The following FTO variants were observed in gnomAD, a reference collection of about 807,000 sequenced individuals.
FTO encodes FTO alpha-ketoglutarate dependent dioxygenase.
Under a neutral mutation model 63.9 loss-of-function variants are expected in FTO, and 47 were observed. That is an observed-to-expected ratio of 0.74 (90% confidence interval 0.58 to 0.94). The LOEUF (loss-of-function observed/expected upper bound fraction) is 0.94, where lower values mean the gene tolerates loss of function less well. FTO is among the 40% of genes least tolerant of loss of function. The pLI is 0.00. For missense variants in FTO, 562 were observed against 618.1 expected, an observed-to-expected ratio of 0.91 and a Z score of 0.96; for synonymous variants, 207 against 224.4, an observed-to-expected ratio of 0.92 and a Z score of 0.69.
intron 2 of FTO, among the ~76,000 whole-genome samples, chr16:53,824,275 T>A (rs1344912659): frequency 6.6e-6 from 1 of 152,230 alleles, no homozygotes; most frequent in African/African-American, 2.4e-5. Context: ...TTGGCTCTTG[T>A]GCTCTAGTAA....
At position 53,900,608 on chromosome 16, in the gene FTO, C is replaced by CTTTTTTTT. The variant is rs752080961; in HGVS notation, c.1239+11677_1239+11684dup. On this transcript the variant is annotated intron_variant, in intron 7 of 8. Transcript: ENST00000471389. ...CAGTCATTTAATCATTCATCTGCTC[C>CTTTTTTTT]TTTTTTTTTTTTTTTTTTTTTTTTT... is the stretch of plus-strand genomic sequence containing the variant. Among the ~76,000 whole-genome samples the CTTTTTTTT allele has an allele frequency of 6.3e-4, 42 of 67,194 alleles. 4 individuals carry two copies. The highest frequency in any genetic ancestry group is 8.9e-3 in the Middle Eastern group (1 of 112). 44.1% of individuals were successfully genotyped at this position (67,194 alleles called of 152,430 possible).
chr16:54,054,787 T>TAATG (rs1274567963), intron 8 of FTO, among the ~76,000 whole-genome samples: 1 of 152,044 alleles, frequency 6.6e-6, no homozygotes, highest in African/African-American at 2.4e-5. Context: ...GGTGAGTCAG[T>TAATG]AATGAAAAAG....
chr16:53,756,022 C>A (rs60286074), intron 1 of FTO, among the ~76,000 whole-genome samples: 10,735 of 152,208 alleles, frequency 0.071, 632 homozygotes, highest in African/African-American at 0.16. Context: ...GATGAAAACG[C>A]CAAACCCTTG....
intron 8 of FTO, among the ~76,000 whole-genome samples, chr16:54,009,576 A>G (rs1339898485): frequency 6.6e-6 from 1 of 152,114 alleles, no homozygotes; most frequent in Non-Finnish European, 1.5e-5. Context: ...GTTTTTCCAG[A>G]GATCAGTGCC....
chr16:53,835,578 C>T (rs1477299784), intron 3 of FTO, among the ~76,000 whole-genome samples: 1 of 152,036 alleles, frequency 6.6e-6, no homozygotes, highest in Non-Finnish European at 1.5e-5. Context: ...AATTTTTCTT[C>T]AGCTTTTATG....
intron 2 of FTO, among the ~76,000 whole-genome samples, chr16:53,813,240 C>T (rs2078585081): frequency 1.3e-5 from 2 of 150,662 alleles, no homozygotes; most frequent in South Asian, 4.2e-4. Context: ...GAGACAGCAT[C>T]TCACTCTGTT....
chr16:54,074,913 A>AGTGTGTGT (rs1248976108), intron 8 of FTO, among the ~76,000 whole-genome samples: 9 of 125,160 alleles, frequency 7.2e-5, no homozygotes, highest in Non-Finnish European at 8.7e-5. Flanking sequence ...AGAGAGAGAG[A>AGTGTGTGT]GAGAGTGTGT....
rs1329017897 is a variant in FTO at position 53,911,263 on chromosome 16, G to T, written c.1239+22312G>T. On this transcript the variant is annotated intron_variant, in intron 7 of 8. Transcript: ENST00000471389. ...TGAGTAAGAGAGAATGTAGTTTCAAGAGTAAAGGAGAACAAAGTAGGGTGA... is the reference window on the plus strand; with the variant it reads ...TGAGTAAGAGAGAATGTAGTTTCAATAGTAAAGGAGAACAAAGTAGGGTGA... The T allele has an allele frequency of 4.6e-6, 3 of 648,102 alleles. No individual in the cohort carries two copies. In the African/African-American group the frequency reaches 5.4e-5, roughly 12 times the overall value. 40.1% of individuals were successfully genotyped at this position (648,102 alleles called of 1,614,324 possible).
intron 1 of FTO, among the ~76,000 whole-genome samples, chr16:53,748,320 A>G (rs1218220355): frequency 1.3e-5 from 2 of 152,060 alleles, no homozygotes; most frequent in East Asian, 1.9e-4. Context: ...ACTTAGTTGT[A>G]TCATCTTCAG....
intron 8 of FTO, among the ~76,000 whole-genome samples, chr16:54,059,493 G>T (rs1011332961): frequency 3.3e-5 from 5 of 152,058 alleles, no homozygotes; most frequent in Admixed American, 1.3e-4. Context: ...TTCATCACTG[G>T]ATTTTTGACT....
chr16:53,705,261 A>T (rs1358733724), intron 1 of FTO, among the ~76,000 whole-genome samples: 1 of 152,176 alleles, frequency 6.6e-6, no homozygotes, highest in Non-Finnish European at 1.5e-5. Context: ...CTGTTTAAAA[A>T]TATTCCATGG....
intron 7 of FTO, among the ~76,000 whole-genome samples, chr16:53,922,470 C>T (rs79912489): frequency 6.7e-6 from 1 of 150,022 alleles, no homozygotes. Flanking sequence ...AATCCACAGA[C>T]AAAAAAAAAT....
intron 2 of FTO, among the ~76,000 whole-genome samples, chr16:53,812,060 A>C (rs1372902364): frequency 1.3e-5 from 2 of 151,432 alleles, no homozygotes; most frequent in African/African-American, 4.9e-5. Flanking sequence ...CGATCCACAC[A>C]CCTTGGGCTC....
chr16:53,834,917 A>G (rs1208623690), intron 3 of FTO, among the ~76,000 whole-genome samples: 1 of 152,120 alleles, frequency 6.6e-6, no homozygotes, highest in Non-Finnish European at 1.5e-5. Flanking sequence ...TCTGATTCCC[A>G]TTATAGATTT....
chr16:53,981,390 C>T (rs2083540338), intron 8 of FTO: 1 of 152,172 alleles, frequency 6.6e-6, no homozygotes, highest in Admixed American at 6.5e-5. Flanking sequence ...CTGGTGTTCC[C>T]CAAATCATTG....
At chr16:53,906,809 G>C (rs914374778) in intron 7 of FTO, among the ~76,000 whole-genome samples, 1 of 152,066 alleles carries the variant, frequency 6.6e-6, no homozygotes, top group Non-Finnish European at 1.5e-5. Flanking sequence ...CCCTTCTAGA[G>C]TTCCCTAACT....
At chr16:53,870,791 A>C (rs978789670) in intron 4 of FTO, among the ~76,000 whole-genome samples, 6 of 152,188 alleles carry the variant, frequency 3.9e-5, no homozygotes, top group Non-Finnish European at 8.8e-5. Flanking sequence ...CTTTGAGCAG[A>C]TCTAAATTCC....
intron 3 of FTO, among the ~76,000 whole-genome samples, chr16:53,843,035 T>C (rs2079519730): frequency 6.6e-6 from 1 of 152,324 alleles, no homozygotes; most frequent in South Asian, 2.1e-4. Flanking sequence ...ATATATTAGA[T>C]AGTTCCATAT....
chr16:54,027,939 CCTT>C (rs1165259351), intron 8 of FTO, among the ~76,000 whole-genome samples: 2 of 152,090 alleles, frequency 1.3e-5, no homozygotes, highest in Non-Finnish European at 2.9e-5. Flanking sequence ...GCCTCATTAT[CCTT>C]CTCAATGTGC....
Sources: gnomAD v4.1 joint callset for allele counts (sites outside exome capture counted in the v4.1 genomes callset) on GRCh38, gnomAD v4.1.1 for gene constraint, MANE v1.5 for transcripts, NCBI Gene and HGNC (gene_info 2026-07-23, HGNC 2026-07-21) for gene names.